The following SFXN4 variants were observed in gnomAD, a reference collection of about 807,000 sequenced individuals.
The protein encoded by SFXN4 is sideroflexin-4.
A neutral mutation model predicts 54.6 loss-of-function variants in SFXN4; 48 were observed. The ratio of observed to expected loss-of-function variants is 0.88; its 90% CI spans 0.70 to 1.12. SFXN4 has a LOEUF of 1.12. Among genes scored for constraint, SFXN4 ranks in the 50% most tolerant of loss-of-function variants. The probability of loss-of-function intolerance (pLI) is 0.00; values close to 1 mark genes in which losing one functional copy is unlikely to be tolerated. For synonymous variants in SFXN4, 130 were observed against 145.5 expected (o/e 0.89, Z 0.77); for missense variants, 383 against 409.2 (o/e 0.94, Z 0.55).
chr10:119,158,996 C>T (rs994144088), intron 6 of SFXN4, among the ~76,000 whole-genome samples: 3 of 146,954 alleles, frequency 2.0e-5, no homozygotes, highest in African/African-American at 7.6e-5. Context: ...AAACAAAAAA[C>T]GGTCCAGGCA....
intron 1 of SFXN4, among the ~76,000 whole-genome samples, chr10:119,164,541 C>T (rs1437214795): frequency 6.6e-6 from 1 of 152,112 alleles, no homozygotes; most frequent in Admixed American, 6.6e-5. Context: ...GACCTCGAAG[C>T]AATGGCCTAG....
At chr10:119,145,408 A>G (rs768220446) in intron 13 of SFXN4, among the ~76,000 whole-genome samples, 1 of 146,404 alleles carries the variant, frequency 6.8e-6, no homozygotes, top group Non-Finnish European at 1.5e-5. Context: ...CTACCTCCCC[A>G]GGTTCAAGCG....
At chr10:119,158,103 T>G (rs750852560) in intron 6 of SFXN4, 41 bp from the exon 7 acceptor site, 2 of 1,593,034 alleles carry the variant, frequency 1.3e-6, no homozygotes, top group Admixed American at 3.3e-5. Flanking sequence ...AGTGTTGCTG[T>G]GGAAGGAGAA....
intron 13 of SFXN4, among the ~76,000 whole-genome samples, chr10:119,143,510 T>A (rs556553565): frequency 2.0e-5 from 3 of 152,126 alleles, no homozygotes; most frequent in African/African-American, 7.2e-5. Flanking sequence ...TAATTATTAT[T>A]TTTTCTTTTT....
rs1372923472 is a variant in SFXN4 at position 119,165,651 on chromosome 10, G to A, written c.-4C>T. 2 of 1,579,886 alleles carry A rather than the reference G, an allele frequency of 1.3e-6. No individual in the cohort carries two copies. Among genetic ancestry groups the A allele is most frequent in the African/African-American group, 2.8e-5 (2 of 71,326 alleles). ...CCTCCTCCTGTTCCAGGGACATTTTGCGCTGGTTAGAGTGGCCGCCGCCGC... is the reference window on the plus strand; with the variant it reads ...CCTCCTCCTGTTCCAGGGACATTTTACGCTGGTTAGAGTGGCCGCCGCCGC... On this transcript the variant is annotated 5_prime_UTR_variant, in exon 1 of 14. Coordinates refer to ENST00000355697, the MANE Select transcript of SFXN4 (RefSeq NM_213649.2).
rs919636486 is a variant in SFXN4 at position 119,148,647 on chromosome 10, G to A, written c.733-787C>T. On this transcript the variant is annotated intron_variant, in intron 11 of 13. Coordinates refer to ENST00000355697, the MANE Select transcript of SFXN4 (RefSeq NM_213649.2). ...GAGACCCACACAAGGCTGCCTGTCCGTACCCACGTTTCACAGCGAATTAAA... is the reference window on the plus strand; with the variant it reads ...GAGACCCACACAAGGCTGCCTGTCCATACCCACGTTTCACAGCGAATTAAA... Among the ~76,000 whole-genome samples, 16 of 152,120 alleles carry A rather than the reference G, an allele frequency of 1.1e-4. 1 individual carries two copies. The highest frequency in any genetic ancestry group is 3.9e-4 in the African/African-American group (16 of 41,408).
intron 11 of SFXN4, among the ~76,000 whole-genome samples, chr10:119,149,869 T>C (rs922519092): frequency 2.6e-5 from 4 of 152,356 alleles, no homozygotes; most frequent in Admixed American, 2.6e-4. Flanking sequence ...GAGGCCCGCC[T>C]CTCTCCCTTA....
At chr10:119,164,412 C>T (rs1379042488) in intron 1 of SFXN4, among the ~76,000 whole-genome samples, 3 of 152,118 alleles carry the variant, frequency 2.0e-5, no homozygotes, top group East Asian at 1.9e-4. Context: ...CTCAAGGCAA[C>T]ACAGCCAGGA....
intron 1 of SFXN4, 143 bp from the exon 2 acceptor site, chr10:119,164,339 C>G (rs899437983): frequency 3.0e-5 from 17 of 565,396 alleles, no homozygotes; most frequent in Non-Finnish European, 4.7e-5. Context: ...CTCCTGGGAT[C>G]CTCCCAACCT....
chr10:119,162,686 G>T (rs1847604489), intron 2 of SFXN4, among the ~76,000 whole-genome samples: 1 of 152,116 alleles, frequency 6.6e-6, no homozygotes, highest in African/African-American at 2.4e-5. Context: ...GCACTGAATG[G>T]TTACCACCAT....
At chr10:119,141,882 G>A (rs1846539363) in intron 13 of SFXN4, among the ~76,000 whole-genome samples, 1 of 152,078 alleles carries the variant, frequency 6.6e-6, no homozygotes, top group Non-Finnish European at 1.5e-5. Flanking sequence ...GCTGGGTGTG[G>A]TGGCACACAC....
chr10:119,153,567 A>G (rs1589636005), intron 11 of SFXN4, among the ~76,000 whole-genome samples: 2 of 152,340 alleles, frequency 1.3e-5, no homozygotes, highest in East Asian at 3.9e-4. Context: ...GAAGACTATA[A>G]GGACATCTGC....
intron 13 of SFXN4, 38 bp from the exon 14 acceptor site, chr10:119,141,357 G>C: frequency 1.5e-6 from 2 of 1,335,400 alleles, no homozygotes; most frequent in Non-Finnish European, 2.1e-6. Context: ...TCTATTAATA[G>C]TTTTTCTTGC....
rs1234472904 is a variant in SFXN4, at chr10:119,141,507, C to CTTT, written c.937-191_937-189dup. On this transcript the variant is annotated intron_variant, in intron 13 of 13. Transcript: ENST00000355697. The stretch of plus-strand genomic sequence containing the variant: ...CCAAGCAGTAAAGAAACTTCTTAAA[C>CTTT]TTTTTTTTTTTTTTTTTTTTTGAGA... Among the ~76,000 whole-genome samples, 109 of 113,346 alleles carry CTTT rather than the reference C, an allele frequency of 9.6e-4. 3 individuals carry two copies. Among genetic ancestry groups the CTTT allele is most frequent in the African/African-American group, 2.1e-3 (60 of 27,920 alleles). The allele number at this position is 113,346 out of a possible 152,430, so 74.4% of individuals were successfully genotyped here.
At chr10:119,142,763 G>T (rs1394522173) in intron 13 of SFXN4, among the ~76,000 whole-genome samples, 8 of 98,426 alleles carry the variant, frequency 8.1e-5, no homozygotes, top group Admixed American at 4.1e-4. Flanking sequence ...ATGGAGTCTT[G>T]CTCTGTCGCC....
intron 11 of SFXN4, among the ~76,000 whole-genome samples, chr10:119,154,392 A>G (rs1333847057): frequency 6.6e-6 from 1 of 152,016 alleles, no homozygotes; most frequent in East Asian, 1.9e-4. Context: ...AAATCTCCTA[A>G]TAGACATGTA....
At chr10:119,149,509 G>T (rs956223366) in intron 11 of SFXN4, among the ~76,000 whole-genome samples, 1 of 152,292 alleles carries the variant, frequency 6.6e-6, no homozygotes, top group East Asian at 1.9e-4. Flanking sequence ...CAACACTTTG[G>T]GAGGCCAAGG....
In SFXN4 at chr10:119,160,950, C is replaced by T. The variant is rs146027572; in HGVS notation, c.299G>A (p.Ser100Asn). ...AAAAAGCTTGGGGATCAGGTTGCTG[C>T]TGTCGGGATGCACTGTTGCCTTCAA... ...KRSLATVHPD[S>N]SNLIPKLFRP... Residue 100 changes from serine (S) to asparagine (N), a missense_variant, in exon 5 of 14, where the codon AGC becomes AAC. Physicochemically the swap from Ser to Asn is conservative, Grantham distance 46. Coordinates refer to ENST00000355697, the MANE Select transcript of SFXN4 (RefSeq NM_213649.2). 2 of 1,614,150 alleles carry T rather than the reference C, an allele frequency of 1.2e-6. No homozygotes were observed. The highest frequency in any genetic ancestry group is 1.6e-4 in the Middle Eastern group (1 of 6,062).
At chr10:119,156,607 G>A in intron 10 of SFXN4, 71 bp downstream of exon 10, 1 of 1,210,594 alleles carries the variant, frequency 8.3e-7, no homozygotes, top group Non-Finnish European at 1.2e-6. Context: ...GGTGCCTCTG[G>A]AGATGAAGGA....
Sources: allele counts gnomAD v4.1 joint callset (sites outside exome capture counted in the v4.1 genomes callset), GRCh38; gene constraint gnomAD v4.1.1; transcripts MANE v1.5; gene names NCBI Gene and HGNC (gene_info 2026-07-23, HGNC 2026-07-21).